The following MAP3K20 variants were observed in gnomAD, a reference collection of about 807,000 sequenced individuals.
MAP3K20 encodes mitogen-activated protein kinase kinase kinase 20.
A neutral mutation model predicts 85.7 loss-of-function variants in MAP3K20; 40 were observed. The observed-to-expected ratio is 0.47, with a 90% CI of 0.36 to 0.61. The LOEUF is 0.61. MAP3K20 is among the 20% of genes least tolerant of loss of function. MAP3K20 has a pLI of 0.00. For missense variants in MAP3K20, 817 were observed against 961.7 expected (o/e 0.85, Z 1.99); for synonymous variants, 325 against 327.7 (o/e 0.99, Z 0.09).
At position 173,234,446 on chromosome 2, in the gene MAP3K20, T is replaced by G. The variant is rs1290022232; in HGVS notation, c.1203+1987T>G. Among the ~76,000 whole-genome samples, 7 of 152,170 alleles carry G rather than the reference T, an allele frequency of 4.6e-5. No homozygotes were observed. In the East Asian group the frequency reaches 1.3e-3, roughly 29 times the overall value. On this transcript the variant is annotated intron_variant, in intron 14 of 19. Coordinates refer to ENST00000375213, the MANE Select transcript of MAP3K20 (RefSeq NM_016653.3). ...GGAATTTACATCTCAGAGAAAAGATTAAACGTGCACACAGCATCCCCTTGG... is the reference window on the plus strand; with the variant it reads ...GGAATTTACATCTCAGAGAAAAGATGAAACGTGCACACAGCATCCCCTTGG...
In MAP3K20 at chr2:173,267,369, A is replaced by T. The variant is rs1177099303; in HGVS notation, c.*619A>T. 6.6e-6 allele frequency: 1 copy of T among 151,594 alleles called. No homozygotes were observed. The highest frequency in any genetic ancestry group is 1.5e-5 in the Non-Finnish European group (1 of 67,980). 9.4% of individuals were successfully genotyped at this position (151,594 alleles called of 1,614,324 possible). A position where few individuals can be genotyped will look rare whatever the true frequency, so the allele number is the denominator to read the frequency against. ...GATGTCCCCTTAAATTTTGTGCCCA[A>T]GGCAGGTACCTCACTCATCTCATCC... is the stretch of plus-strand genomic sequence containing the variant. On this transcript the variant is annotated 3_prime_UTR_variant, in exon 20 of 20. Transcript: ENST00000375213.
chr2:173,221,734 A>T, intron 11 of MAP3K20: 13 of 1,282,310 alleles, frequency 1.0e-5, no homozygotes, highest in Non-Finnish European at 1.3e-5. Context: ...AAGCCAAAGA[A>T]GTATATTTAT....
At chr2:173,259,823 T>TC (rs1449718111) in intron 17 of MAP3K20, among the ~76,000 whole-genome samples, 1 of 152,236 alleles carries the variant, frequency 6.6e-6, no homozygotes, top group Non-Finnish European at 1.5e-5. Flanking sequence ...TCTTATTTTG[T>TC]CAGGACACAG....
Position 173,191,040 on chromosome 2 carries a change from A to G in MAP3K20, c.445A>G (p.Ile149Val), listed in dbSNP as rs1161191737. ...VVIAADGVLK[I>V]CDFGASRFHN... ...TTGACACTGATTCCTGTTTTCTCAG[A>G]TCTGTGACTTTGGTGCCTCTCGGTT... The change falls in exon 7 of 20, where the codon ATC becomes GTC. Residue 149 changes from isoleucine to valine, a missense_variant and splice_region_variant. Ile to Val is a conservative substitution (Grantham distance 29). Coordinates refer to ENST00000375213, the MANE Select transcript of MAP3K20 (RefSeq NM_016653.3). 6.2e-7 allele frequency: 1 copy of G among 1,613,754 alleles called. No individual in the cohort carries two copies. The highest frequency in any genetic ancestry group is 1.7e-5 in the Admixed American group (1 of 59,970).
Position 173,198,141 on chromosome 2 carries a change from A to G in MAP3K20, c.669+29A>G, listed in dbSNP as rs577039605. 2.1e-5 allele frequency: 34 copies of G among 1,590,002 alleles called. No individual in the cohort carries two copies. In the South Asian group the frequency reaches 3.8e-4, roughly 18 times the overall value. ...AGACTACGTTTCTCCATTCAGGTAC[A>G]TAGATCAGAAAACAGTATTGGGGTT... On this transcript the variant is annotated intron_variant, in intron 8 of 19. Coordinates refer to ENST00000375213, the MANE Select transcript of MAP3K20 (RefSeq NM_016653.3). The surrounding 1 kb of genome is among the most constrained non-coding windows in gnomAD (Gnocchi z 5.8).
chr2:173,161,734 C>T (rs950929651), intron 2 of MAP3K20, among the ~76,000 whole-genome samples: 4 of 152,172 alleles, frequency 2.6e-5, no homozygotes, highest in Non-Finnish European at 5.9e-5. Flanking sequence ...CTAGAGCCCA[C>T]GTGATTTCCA....
At chr2:173,161,823 TC>T (rs1689666656) in intron 2 of MAP3K20, among the ~76,000 whole-genome samples, 1 of 152,182 alleles carries the variant, frequency 6.6e-6, no homozygotes. Flanking sequence ...GCTGGTTTGT[TC>T]CAGAGCCGTA....
chr2:173,087,258 G>C (rs1362383736), intron 1 of MAP3K20, among the ~76,000 whole-genome samples: 1 of 152,198 alleles, frequency 6.6e-6, no homozygotes, highest in Non-Finnish European at 1.5e-5. Flanking sequence ...ACATGAGAGG[G>C]AGAATTCAGC....
chr2:173,197,431 A>G (rs1690884013), intron 7 of MAP3K20, among the ~76,000 whole-genome samples: 1 of 152,202 alleles, frequency 6.6e-6, no homozygotes, highest in South Asian at 2.1e-4. Flanking sequence ...ATTATATTGT[A>G]GGTAGATGAA....
chr2:173,143,045 A>C (rs549687147), intron 2 of MAP3K20, among the ~76,000 whole-genome samples: 2 of 152,274 alleles, frequency 1.3e-5, no homozygotes, highest in South Asian at 4.1e-4. Context: ...ACAAACAAAA[A>C]ACAAAAAAAT....
chr2:173,077,180 CCTT>C lies in MAP3K20; in HGVS notation c.-35+1182_-35+1184del, dbSNP rs750983957. On this transcript the variant is annotated intron_variant, in intron 1 of 19. Coordinates refer to ENST00000375213, the MANE Select transcript of MAP3K20 (RefSeq NM_016653.3). Reference sequence around the variant, plus strand: ...ACTTAAGATTGTTGAAAACTGTACTCCTTCTTTAACCCCGAAGCTGTTTTGGAA... The same window carrying C: ...ACTTAAGATTGTTGAAAACTGTACTCCTTTAACCCCGAAGCTGTTTTGGAA... Among the ~76,000 whole-genome samples, 7 of 152,232 alleles carry C rather than the reference CCTT, an allele frequency of 4.6e-5. No homozygotes were observed. The South Asian group carries it at 6.2e-4, about 14-fold the overall frequency.
chr2:173,227,782 C>T (rs1369609678), intron 11 of MAP3K20, among the ~76,000 whole-genome samples: 1 of 152,194 alleles, frequency 6.6e-6, no homozygotes, highest in Non-Finnish European at 1.5e-5. Context: ...TCCCCCCAAC[C>T]CAGTTTCTAT....
chr2:173,239,129 G>A (rs1321630432), intron 15 of MAP3K20, among the ~76,000 whole-genome samples: 2 of 152,096 alleles, frequency 1.3e-5, no homozygotes, highest in Non-Finnish European at 2.9e-5. Flanking sequence ...CATTTCTAGG[G>A]TAAAATTGCA....
chr2:173,226,052 C>T (rs1250863553), intron 11 of MAP3K20: 2 of 985,258 alleles, frequency 2.0e-6, no homozygotes, highest in African/African-American at 3.5e-5. Context: ...AAGCCTACAG[C>T]TCACTGTTTT....
At chr2:173,224,558 G>A in intron 11 of MAP3K20, 1 of 984,666 alleles carries the variant, frequency 1.0e-6, no homozygotes, top group Non-Finnish European at 1.2e-6. Context: ...TCCAGAGATG[G>A]TCATAGCTCA....
At chr2:173,127,837 C>G (rs1688487516) in intron 2 of MAP3K20, among the ~76,000 whole-genome samples, 1 of 152,102 alleles carries the variant, frequency 6.6e-6, no homozygotes, top group African/African-American at 2.4e-5. Context: ...TCCCATTTGT[C>G]AGGCATTGGG....
chr2:173,223,618 T>C (rs74363989), intron 11 of MAP3K20: 1 of 985,450 alleles, frequency 1.0e-6, no homozygotes, highest in Non-Finnish European at 1.2e-6. Flanking sequence ...ACAGATTTTT[T>C]CTGTTGCTCT....
intron 11 of MAP3K20, chr2:173,226,673 C>T: frequency 1.0e-6 from 1 of 985,842 alleles, no homozygotes; most frequent in Non-Finnish European, 1.2e-6. Context: ...TTATTTACTT[C>T]AAAACTAGAG....
chr2:173,100,589 T>C (rs1687609934), intron 2 of MAP3K20, among the ~76,000 whole-genome samples: 1 of 152,242 alleles, frequency 6.6e-6, no homozygotes, highest in African/African-American at 2.4e-5. Flanking sequence ...AGGGTAGAAC[T>C]CGTGTCTTTA....
Sources: gnomAD v4.1 joint callset for allele counts (sites outside exome capture counted in the v4.1 genomes callset) on GRCh38, gnomAD v4.1.1 for gene constraint, Gnocchi (gnomAD v3.1) non-coding constraint, MANE v1.5 for transcripts, NCBI Gene and HGNC (gene_info 2026-07-23, HGNC 2026-07-21) for gene names.